The following SLC24A3 variants were observed in gnomAD, a reference collection of about 807,000 sequenced individuals.
SLC24A3 encodes sodium/potassium/calcium exchanger 3.
A neutral mutation model predicts 75.8 loss-of-function variants in SLC24A3; 28 were observed. The observed-to-expected ratio is 0.37, with a 90% CI of 0.27 to 0.51. SLC24A3 has a LOEUF of 0.51. SLC24A3 is among the 20% of genes least tolerant of loss of function. The pLI is 0.94. For synonymous variants in SLC24A3, 372 were observed against 334.1 expected (o/e 1.11, Z -1.24); for missense variants, 663 against 847.8 (o/e 0.78, Z 2.71).
At chr20:19,618,384 G>A (rs905138923) in intron 6 of SLC24A3, among the ~76,000 whole-genome samples, 1 of 152,178 alleles carries the variant, frequency 6.6e-6, no homozygotes, top group Non-Finnish European at 1.5e-5. Flanking sequence ...TGCAGGTGCC[G>A]TCTTCCCCCT....
At chr20:19,475,711 A>T (rs972092016) in intron 2 of SLC24A3, among the ~76,000 whole-genome samples, 2 of 152,200 alleles carry the variant, frequency 1.3e-5, no homozygotes, top group African/African-American at 4.8e-5. Context: ...TTTAATTAGT[A>T]TGTGTTCTTG....
chr20:19,617,989 GT>G (rs1167437851), intron 6 of SLC24A3, among the ~76,000 whole-genome samples: 1 of 150,534 alleles, frequency 6.6e-6, no homozygotes, highest in Admixed American at 6.6e-5. Flanking sequence ...TTGTGTTTTT[GT>G]TTTTTGTTTT....
chr20:19,517,997 C>T (rs1376462974), intron 3 of SLC24A3, among the ~76,000 whole-genome samples: 1 of 152,184 alleles, frequency 6.6e-6, no homozygotes, highest in African/African-American at 2.4e-5. Flanking sequence ...TAAAGAAGCC[C>T]CTTCGTACTG....
At chr20:19,299,745 C>T (rs970868045) in intron 2 of SLC24A3, among the ~76,000 whole-genome samples, 32 of 152,166 alleles carry the variant, frequency 2.1e-4, no homozygotes, top group African/African-American at 7.7e-4. Context: ...GTTCTGGAGG[C>T]TTTGACCTGT....
At chr20:19,512,668 C>T (rs1369452128) in intron 2 of SLC24A3, among the ~76,000 whole-genome samples, 1 of 152,240 alleles carries the variant, frequency 6.6e-6, no homozygotes, top group East Asian at 1.9e-4. Flanking sequence ...CCTCAGTGGC[C>T]TCATGCACGG....
intron 8 of SLC24A3, among the ~76,000 whole-genome samples, chr20:19,667,393 G>T (rs914716436): frequency 6.6e-6 from 1 of 152,162 alleles, no homozygotes; most frequent in African/African-American, 2.4e-5. Context: ...AATGGAGTGA[G>T]GGGCATTTTT....
chr20:19,432,199 C>T (rs762564086), intron 2 of SLC24A3, among the ~76,000 whole-genome samples: 3 of 151,044 alleles, frequency 2.0e-5, no homozygotes, highest in Non-Finnish European at 2.9e-5. Flanking sequence ...ACCCCCAATG[C>T]GGGTATCCTA....
chr20:19,280,804 C>T (rs1983636730), intron 1 of SLC24A3, among the ~76,000 whole-genome samples, 155 bp from the exon 2 acceptor site: 1 of 152,138 alleles, frequency 6.6e-6, no homozygotes, highest in African/African-American at 2.4e-5. Flanking sequence ...CCCACTGGTG[C>T]GGCAAGGAAG....
At chr20:19,474,451 A>G (rs1987927977) in intron 2 of SLC24A3, among the ~76,000 whole-genome samples, 1 of 152,224 alleles carries the variant, frequency 6.6e-6, no homozygotes, top group South Asian at 2.1e-4. Flanking sequence ...TTGGCAATAC[A>G]TTAAAAGAAT....
chr20:19,568,706 G>A (rs2031001542), intron 3 of SLC24A3, among the ~76,000 whole-genome samples: 1 of 152,174 alleles, frequency 6.6e-6, no homozygotes, highest in African/African-American at 2.4e-5. Flanking sequence ...TGGCATGAAT[G>A]CACCACTGAA....
intron 1 of SLC24A3, among the ~76,000 whole-genome samples, chr20:19,223,415 C>T (rs973281927): frequency 5.3e-5 from 8 of 152,232 alleles, no homozygotes; most frequent in Admixed American, 5.2e-4. Flanking sequence ...ATACAATCCA[C>T]GAACTTTATT....
At chr20:19,664,116 A>C (rs1256974584) in intron 7 of SLC24A3, among the ~76,000 whole-genome samples, 1 of 152,244 alleles carries the variant, frequency 6.6e-6, no homozygotes, top group African/African-American at 2.4e-5. Flanking sequence ...AAGTGGCTAC[A>C]AATTGATTGT....
intron 15 of SLC24A3, among the ~76,000 whole-genome samples, chr20:19,716,690 C>T (rs529840165): frequency 1.1e-4 from 17 of 151,902 alleles, no homozygotes; most frequent in South Asian, 4.2e-4. Context: ...AAGACCAGCC[C>T]GGGCAACGTA....
rs559714143 is a variant in SLC24A3 at position 19,270,873 on chromosome 20, CA to C, written c.143-10085del. 1.1e-3 allele frequency among the ~76,000 whole-genome samples: 160 copies of C among 152,158 alleles called. 1 individual carries two copies. Among genetic ancestry groups the C allele is most frequent in the East Asian group, 6.0e-3 (31 of 5,166 alleles). ...AGGAAGGGTCTTCATCAGGTGGGGT[CA>C]GTCAACATCCCTGAGCTTTGAGCTA... On this transcript the variant is annotated intron_variant, in intron 1 of 16. Transcript: ENST00000328041.
intron 9 of SLC24A3, among the ~76,000 whole-genome samples, chr20:19,680,547 G>A (rs189750883): frequency 7.2e-5 from 11 of 152,252 alleles, no homozygotes; most frequent in South Asian, 2.1e-4. Flanking sequence ...CCATTATTTC[G>A]TTTGGGTTGC....
intron 12 of SLC24A3, among the ~76,000 whole-genome samples, chr20:19,686,856 T>A (rs1366654057): frequency 6.6e-6 from 1 of 152,224 alleles, no homozygotes; most frequent in Non-Finnish European, 1.5e-5. Flanking sequence ...CATTACTTGT[T>A]AGTACATTAT....
chr20:19,457,057 A>C (rs2122489942), intron 2 of SLC24A3, among the ~76,000 whole-genome samples: 1 of 152,368 alleles, frequency 6.6e-6, no homozygotes, highest in Admixed American at 6.5e-5. Context: ...TGCTATAAAA[A>C]GAAAAACTGC....
intron 3 of SLC24A3, among the ~76,000 whole-genome samples, chr20:19,565,719 G>A (rs1006279521): frequency 6.6e-6 from 1 of 152,018 alleles, no homozygotes; most frequent in Non-Finnish European, 1.5e-5. Context: ...ACACTAAATG[G>A]CACCTTTAAA....
chr20:19,688,022 G>T (rs1322512383), intron 12 of SLC24A3, among the ~76,000 whole-genome samples: 4 of 152,172 alleles, frequency 2.6e-5, no homozygotes, highest in Non-Finnish European at 5.9e-5. Context: ...GGAGAGAAGA[G>T]ACGATACTCT....
Sources: gnomAD v4.1 joint callset for allele counts (sites outside exome capture counted in the v4.1 genomes callset) on GRCh38, gnomAD v4.1.1 for gene constraint, MANE v1.5 for transcripts, NCBI Gene and HGNC (gene_info 2026-07-23, HGNC 2026-07-21) for gene names.